The following SYT8 variants were observed in gnomAD, a reference collection of about 807,000 sequenced individuals.
SYT8 encodes synaptotagmin-8.
A neutral mutation model predicts 34.9 loss-of-function variants in SYT8; 50 were observed. The observed-to-expected ratio is 1.43, with a 90% CI of 1.14 to 1.81. The LOEUF (loss-of-function observed/expected upper bound fraction) is 1.81. Ranked by LOEUF, SYT8 falls within the 40% of genes most tolerant of loss-of-function variation. The pLI is 0.00. For missense variants in SYT8, 595 were observed against 529.0 expected (o/e 1.12, Z -1.22); for synonymous variants, 255 against 234.2 (o/e 1.09, Z -0.81).
rs546042729 is a variant in SYT8, at chr11:1,835,374, G to A, written c.173G>A (p.Cys58Tyr). Residue 58 changes from cysteine to tyrosine, a missense_variant, in exon 2 of 8, where the codon TGC becomes TAC. Physicochemically the swap from Cys to Tyr is radical, Grantham distance 194. Coordinates refer to ENST00000341958, the MANE Select transcript of SYT8 (RefSeq NM_001394072.1). ...LVSCLLCAAC[C>Y]CCRRHRKKPR... ...TCCTGCCTCCTCTGTGCTGCCTGCT[G>A]CTGCTGCCGCCGCCACAGGAAGAAG... 3.7e-6 allele frequency: 6 copies of A among 1,607,042 alleles called. No homozygotes were observed. The African/African-American group carries it at 4.0e-5, about 11-fold the overall frequency.
chr11:1,835,729 G>T (rs533496980), intron 2 of SYT8, 157 bp from the exon 3 acceptor site: 7 of 785,478 alleles, frequency 8.9e-6, no homozygotes, highest in Non-Finnish European at 1.5e-5. Flanking sequence ...GGGTTTGGCC[G>T]GTCTCACAGA....
At position 1,836,749 on chromosome 11, in the gene SYT8, C is replaced by G. The variant is rs755702301; in HGVS notation, c.685-7C>G. 13 of 1,607,652 alleles carry G rather than the reference C, an allele frequency of 8.1e-6. No individual in the cohort carries two copies. Among genetic ancestry groups the G allele is most frequent in the African/African-American group, 1.3e-5 (1 of 74,920 alleles). ...TCCCGGGCTGAAGCCCCTCTTGCTG[C>G]CCACAGCCCGAGCAGGTCGGGGAGC... is the stretch of plus-strand genomic sequence containing the variant. On this transcript the variant is annotated splice_region_variant and splice_polypyrimidine_tract_variant and intron_variant, in intron 5 of 7. Transcript: ENST00000341958.
At position 1,835,171 on chromosome 11, in the gene SYT8, T is replaced by C. The variant is rs1846832686; in HGVS notation, c.66T>C (p.Leu22=). The change falls in exon 1 of 8, where the codon CTT becomes CTC. Residue 22 remains leucine (L), a synonymous_variant. Transcript: ENST00000341958. ...CTGGCACCACAGCTATACCTGGGCT[T>C]ATTCCAGACCTTGTCGCCGGGACCC... is the stretch of plus-strand genomic sequence containing the variant. ...APAGTTAIPG[L]IPDLVAGTPW... 6 of 1,613,444 alleles carry C rather than the reference T, an allele frequency of 3.7e-6. No individual in the cohort carries two copies. The highest frequency in any genetic ancestry group is 1.1e-5 in the South Asian group (1 of 91,090).
upstream of SYT8, chr11:1,834,123 A>T (rs1846774289): frequency 5.2e-6 from 1 of 192,244 alleles, no homozygotes. This position sits in a 1 kb window ranked among gnomAD's most constrained non-coding sequence, Gnocchi z 4.5. Flanking sequence ...GTCAGGGAAG[A>T]GCTGAGCTGG....
At position 1,835,308 on chromosome 11, in the gene SYT8, C is replaced by T. The variant is rs1565051121; in HGVS notation, c.107C>T (p.Ala36Val). The change falls in exon 2 of 8, where the codon GCT becomes GTT. Residue 36 changes from alanine to valine, a missense_variant. By Grantham distance (64) the Ala-to-Val change is moderately conservative. Transcript: ENST00000341958. ...GCCTCTACCCCAGGGCCCCGCTGGG[C>T]TCTCATTGCCGGCGCCCTTGCCGCG... ...LVAGTPWPRW[A>V]LIAGALAAGV... 1.9e-6 allele frequency: 3 copies of T among 1,600,032 alleles called. No individual in the cohort carries two copies. The highest frequency in any genetic ancestry group is 1.7e-4 in the Middle Eastern group (1 of 6,010).
rs200111341 is a variant in SYT8, at chr11:1,837,102, G to A, written c.924+12G>A. On this transcript the variant is annotated intron_variant, in intron 7 of 7. Coordinates refer to ENST00000341958, the MANE Select transcript of SYT8 (RefSeq NM_001394072.1). Reference sequence around the variant, plus strand: ...TCAGCCAGGTCCAGGTGGGCCACCGGGAGGCAGGGGCAGAGCGAGACCCAG... The same window carrying A: ...TCAGCCAGGTCCAGGTGGGCCACCGAGAGGCAGGGGCAGAGCGAGACCCAG... 3 of 1,612,832 alleles carry A rather than the reference G, an allele frequency of 1.9e-6. No individual in the cohort carries two copies. The Admixed American group carries it at 5.0e-5, about 27-fold the overall frequency.
upstream of SYT8, chr11:1,834,756 G>A (rs1359492601): frequency 1.2e-6 from 1 of 841,866 alleles, no homozygotes; most frequent in Non-Finnish European, 1.9e-6. This position sits in a 1 kb window ranked among gnomAD's most constrained non-coding sequence, Gnocchi z 4.5. Flanking sequence ...TCCTGGTGGA[G>A]GACGCATCCT....
Position 1,837,476 on chromosome 11 carries a change from C to G in SYT8, c.*45C>G, listed in dbSNP as rs1847020357. 2 of 1,591,266 alleles carry G rather than the reference C, an allele frequency of 1.3e-6. No individual in the cohort carries two copies. The highest frequency in any genetic ancestry group is 3.4e-5 in the Admixed American group (2 of 58,330). On this transcript the variant is annotated 3_prime_UTR_variant, in exon 8 of 8. Transcript: ENST00000341958. ...CTCCCCGCTGAGCCCAGGCACTTGCCCAGGCCGCCCTGCAGGACCACTGCA... is the reference window on the plus strand; with the variant it reads ...CTCCCCGCTGAGCCCAGGCACTTGCGCAGGCCGCCCTGCAGGACCACTGCA...
chr11:1,833,847 T>C (rs879430668), upstream of SYT8: 251 of 155,150 alleles, frequency 1.6e-3, no homozygotes, highest in Non-Finnish European at 2.9e-3. Flanking sequence ...TGTGTGTGTG[T>C]GTGTGTGTGT....
chr11:1,836,165 G>C lies in SYT8; in HGVS notation c.397G>C (p.Gly133Arg). 6.6e-7 allele frequency: 1 copy of C among 1,526,150 alleles called. No individual in the cohort carries two copies. Among genetic ancestry groups the C allele is most frequent in the Non-Finnish European group, 8.8e-7 (1 of 1,138,688 alleles). The allele number at this position is 1,526,150 out of a possible 1,614,324, so 94.5% of individuals were successfully genotyped here. ...GLRQAADLRP[G>R]GTVDPYARVS... The stretch of plus-strand genomic sequence containing the variant: ...GAGGCAGGCAGCCGACCTGAGGCCT[G>C]GGGGCACCGTGGACCCCTATGCCCG... Residue 133 changes from glycine (G) to arginine (R), a missense_variant, in exon 4 of 8, where the codon GGG (glycine) becomes CGG (arginine). Gly to Arg is a moderately radical substitution (Grantham distance 125). Coordinates refer to ENST00000341958, the MANE Select transcript of SYT8 (RefSeq NM_001394072.1).
chr11:1,836,156 C>A lies in SYT8; in HGVS notation c.388C>A (p.Leu130Met). 3.3e-6 allele frequency: 5 copies of A among 1,512,730 alleles called. No individual in the cohort carries two copies. Among genetic ancestry groups the A allele is most frequent in the Non-Finnish European group, 4.4e-6 (5 of 1,132,022 alleles). The allele number at this position is 1,512,730 out of a possible 1,614,324, so 93.7% of individuals were successfully genotyped here. The part of the protein sequence containing the change: ...IRVGLRQAAD[L>M]RPGGTVDPYA... Reference sequence around the variant, plus strand: ...GGTGGGCCTGAGGCAGGCAGCCGACCTGAGGCCTGGGGGCACCGTGGACCC... The same window carrying A: ...GGTGGGCCTGAGGCAGGCAGCCGACATGAGGCCTGGGGGCACCGTGGACCC... Residue 130 changes from leucine to methionine, a missense_variant, in exon 4 of 8, where the codon CTG (leucine) becomes ATG (methionine). By Grantham distance (15) the Leu-to-Met change is conservative (BLOSUM62 2). Transcript: ENST00000341958.
In SYT8 at chr11:1,835,045, G is replaced by A. The variant is rs768107611; in HGVS notation, c.-61G>A. ...GGGGTAGCGGGCAGGGGCCGGAGGG[G>A]CCACCCTCCCAGCTGACCCAGCCTC... On this transcript the variant is annotated 5_prime_UTR_variant, in exon 1 of 8. Coordinates refer to ENST00000341958, the MANE Select transcript of SYT8 (RefSeq NM_001394072.1). The A allele has an allele frequency of 1.9e-6, 3 of 1,558,208 alleles. No homozygotes were observed. Among genetic ancestry groups the A allele is most frequent in the East Asian group, 4.5e-5 (2 of 44,564 alleles).
chr11:1,836,724 TC>T, intron 5 of SYT8, 31 bp from the exon 6 acceptor site: 1 of 1,603,092 alleles, frequency 6.2e-7, no homozygotes. Context: ...AGAATCACCC[TC>T]CCGGGCTGAA....
At chr11:1,832,898 C>A (rs11828241), upstream of SYT8, among the ~76,000 whole-genome samples, 57 of 152,102 alleles carry the variant, frequency 3.7e-4, no homozygotes, top group African/African-American at 1.4e-3. Context: ...GGAGGGGGGA[C>A]GCCAGCAAAG....
In SYT8 at chr11:1,837,092, T is replaced by A. The variant is rs948401321; in HGVS notation, c.924+2T>A. On this transcript the variant is annotated splice_donor_variant, in intron 7 of 7. Transcript: ENST00000341958. LOFTEE classifies it high-confidence loss of function. ...CTGGTGCCCTTCAGCCAGGTCCAGGTGGGCCACCGGGAGGCAGGGGCAGAG... is the reference window on the plus strand; with the variant it reads ...CTGGTGCCCTTCAGCCAGGTCCAGGAGGGCCACCGGGAGGCAGGGGCAGAG... 4 of 1,613,204 alleles carry A rather than the reference T, an allele frequency of 2.5e-6. No homozygotes were observed. The African/African-American group carries it at 5.3e-5, about 22-fold the overall frequency.
Position 1,836,117 on chromosome 11 carries a change from G to A in SYT8, c.358-9G>A, listed in dbSNP as rs1846906082. On this transcript the variant is annotated splice_polypyrimidine_tract_variant and intron_variant, in intron 3 of 7. Transcript: ENST00000341958. ...GGCCCTTGGCTGAGCCCACCCCGCT[G>A]GCTCCCAGATCAGGGTGGGCCTGAG... 2.0e-6 allele frequency: 3 copies of A among 1,506,922 alleles called. No homozygotes were observed. The highest frequency in any genetic ancestry group is 2.7e-6 in the Non-Finnish European group (3 of 1,127,920). The allele number at this position is 1,506,922 out of a possible 1,614,324, so 93.3% of individuals were successfully genotyped here. A position where few individuals can be genotyped will look rare whatever the true frequency, so the allele number is the denominator to read the frequency against.
upstream of SYT8, among the ~76,000 whole-genome samples, chr11:1,832,609 G>T (rs1200112481): frequency 1.3e-5 from 2 of 152,178 alleles, no homozygotes; most frequent in Admixed American, 6.5e-5. Context: ...GTCCCGAGGG[G>T]CGGACGGCGC....
chr11:1,833,192 C>T (rs998348755), upstream of SYT8, among the ~76,000 whole-genome samples: 1 of 152,146 alleles, frequency 6.6e-6, no homozygotes, highest in African/African-American at 2.4e-5. Context: ...CCAGTAGGAG[C>T]GCTCCGCCAG....
chr11:1,832,365 G>A (rs7930316), upstream of SYT8, among the ~76,000 whole-genome samples: 63,247 of 152,014 alleles, frequency 0.42, 13,549 homozygotes, highest in Non-Finnish European at 0.45. Flanking sequence ...GGGGGGAGCC[G>A]GGGAGGAGGG....
Sources: allele counts gnomAD v4.1 joint callset (sites outside exome capture counted in the v4.1 genomes callset), GRCh38; gene constraint gnomAD v4.1.1; non-coding constraint Gnocchi (gnomAD v3.1); transcripts MANE v1.5; gene names NCBI Gene and HGNC (gene_info 2026-07-23, HGNC 2026-07-21).